The following MRPS28 variants were observed in gnomAD, a reference collection of about 807,000 sequenced individuals.
MRPS28 encodes mitochondrial ribosomal protein S28.
Under a neutral mutation model 10.8 loss-of-function variants are expected in MRPS28, and 7 were observed. The ratio of observed to expected loss-of-function variants is 0.65; its 90% confidence interval spans 0.37 to 1.22. MRPS28 has a LOEUF of 1.22. MRPS28 is among the 50% of genes most tolerant of loss of function. MRPS28 has a pLI of 0.02. For missense variants in MRPS28, 265 were observed against 232.9 expected (o/e 1.14, Z -0.90); for synonymous variants, 121 against 93.3 (o/e 1.30, Z -1.71).
chr8:79,977,139 G>A (rs1379400781), intron 2 of MRPS28, among the ~76,000 whole-genome samples: 3 of 152,170 alleles, frequency 2.0e-5, no homozygotes, highest in South Asian at 4.1e-4. Flanking sequence ...ATTATAGAGA[G>A]TATGATTAAA....
At chr8:79,990,189 C>T (rs958601355) in intron 2 of MRPS28, among the ~76,000 whole-genome samples, 1 of 152,046 alleles carries the variant, frequency 6.6e-6, no homozygotes, top group Non-Finnish European at 1.5e-5. Flanking sequence ...ATAGAATAAC[C>T]ATAACATGTC....
chr8:80,007,290 C>G (rs1427646234), intron 1 of MRPS28, among the ~76,000 whole-genome samples: 2 of 152,078 alleles, frequency 1.3e-5, no homozygotes, highest in Non-Finnish European at 2.9e-5. Context: ...TAAGAGCTAT[C>G]TATGAAAAAC....
intron 2 of MRPS28, among the ~76,000 whole-genome samples, chr8:79,931,785 G>C (rs1806468668): frequency 6.6e-6 from 1 of 152,224 alleles, no homozygotes; most frequent in Non-Finnish European, 1.5e-5. Context: ...CAGGAGGACT[G>C]TCTATGTTGG....
intron 2 of MRPS28, among the ~76,000 whole-genome samples, chr8:79,973,545 T>C (rs1807694027): frequency 6.6e-6 from 1 of 152,298 alleles, no homozygotes; most frequent in South Asian, 2.1e-4. Context: ...CTCAAATTCC[T>C]GGCCTCAACA....
chr8:79,926,843 G>A (rs569796741), intron 2 of MRPS28, among the ~76,000 whole-genome samples: 1 of 152,300 alleles, frequency 6.6e-6, no homozygotes, highest in South Asian at 2.1e-4. Flanking sequence ...AAATACTGAT[G>A]GCCTGGGGTC....
intron 2 of MRPS28, among the ~76,000 whole-genome samples, chr8:79,994,729 AC>A (rs1352591387): frequency 1.3e-5 from 2 of 152,174 alleles, no homozygotes; most frequent in Non-Finnish European, 2.9e-5. Flanking sequence ...GTTCCTTGTT[AC>A]AATATTTTAA....
At chr8:79,937,717 C>G (rs938477129) in intron 2 of MRPS28, among the ~76,000 whole-genome samples, 4 of 152,176 alleles carry the variant, frequency 2.6e-5, no homozygotes, top group Non-Finnish European at 4.4e-5. Context: ...CCTTACACCA[C>G]CAAACTGGAT....
chr8:79,962,536 T>G (rs1807398704), intron 2 of MRPS28, among the ~76,000 whole-genome samples: 1 of 152,146 alleles, frequency 6.6e-6, no homozygotes, highest in Non-Finnish European at 1.5e-5. Context: ...TCTTAAAACT[T>G]TTCGTCTATG....
intron 1 of MRPS28, among the ~76,000 whole-genome samples, chr8:80,009,010 G>A (rs1808949889): frequency 6.6e-6 from 1 of 152,142 alleles, no homozygotes; most frequent in Non-Finnish European, 1.5e-5. Context: ...CAATAGCAAA[G>A]ACTTGGAACC....
chr8:79,988,056 A>C (rs567636361), intron 2 of MRPS28, among the ~76,000 whole-genome samples: 2 of 152,218 alleles, frequency 1.3e-5, no homozygotes, highest in South Asian at 4.2e-4. Context: ...AATTAAGAAA[A>C]TGTGGCACAT....
At chr8:79,998,602 TA>T (rs1433177164) in intron 2 of MRPS28, among the ~76,000 whole-genome samples, 1 of 152,172 alleles carries the variant, frequency 6.6e-6, no homozygotes, top group Non-Finnish European at 1.5e-5. Context: ...CCACACACAT[TA>T]AACAAAATTG....
chr8:80,006,981 T>C (rs1376430588), intron 1 of MRPS28, among the ~76,000 whole-genome samples: 1 of 152,166 alleles, frequency 6.6e-6, no homozygotes, highest in Non-Finnish European at 1.5e-5. Flanking sequence ...AAGAGAATTT[T>C]AGACCAATAT....
intron 2 of MRPS28, among the ~76,000 whole-genome samples, chr8:79,961,541 T>C (rs1053729672): frequency 6.6e-6 from 1 of 152,122 alleles, no homozygotes; most frequent in African/African-American, 2.4e-5. Context: ...TATAGGAAAA[T>C]AACACCAAAA....
At chr8:80,014,668 T>C (rs1809148841) in intron 1 of MRPS28, among the ~76,000 whole-genome samples, 1 of 152,186 alleles carries the variant, frequency 6.6e-6, no homozygotes, top group Admixed American at 6.5e-5. Flanking sequence ...TGTGTGGCCA[T>C]ATGTAAAGCA....
At chr8:79,963,646 C>T (rs759912897) in intron 2 of MRPS28, among the ~76,000 whole-genome samples, 14 of 152,104 alleles carry the variant, frequency 9.2e-5, no homozygotes, top group South Asian at 6.2e-4. Flanking sequence ...TGTTGACAGA[C>T]ACCAGCACAA....
chr8:79,919,875 GC>G (rs1810027878), intron 2 of MRPS28, among the ~76,000 whole-genome samples: 1 of 151,900 alleles, frequency 6.6e-6, no homozygotes. Flanking sequence ...GTATACATGT[GC>G]CATGTTGGTG....
chr8:80,025,284 G>C (rs1260229306), intron 1 of MRPS28, among the ~76,000 whole-genome samples: 1 of 152,116 alleles, frequency 6.6e-6, no homozygotes, highest in Non-Finnish European at 1.5e-5. Flanking sequence ...TCTATATTTT[G>C]CTTTAATTGT....
intron 2 of MRPS28, among the ~76,000 whole-genome samples, chr8:79,953,268 G>GTC (rs1252625270): frequency 2.0e-5 from 3 of 152,264 alleles, no homozygotes; most frequent in Middle Eastern, 3.4e-3. Context: ...TGCTGCAGAG[G>GTC]ACAGAGAGTT....
chr8:79,989,148 C>T (rs776018575), intron 2 of MRPS28, among the ~76,000 whole-genome samples: 13 of 151,840 alleles, frequency 8.6e-5, no homozygotes, highest in East Asian at 3.9e-4. Context: ...GATGAATGAA[C>T]GGTAATTTGG....
Sources: allele counts gnomAD v4.1 joint callset (sites outside exome capture counted in the v4.1 genomes callset), GRCh38; gene constraint gnomAD v4.1.1; transcripts MANE v1.5; gene names NCBI Gene and HGNC (gene_info 2026-07-23, HGNC 2026-07-21).